The following TMEM132D variants were observed in gnomAD, a reference collection of about 807,000 sequenced individuals.
TMEM132D encodes the protein mature OL transmembrane protein.
Under a neutral mutation model 62.3 loss-of-function variants are expected in TMEM132D, and 21 were observed. The observed-to-expected ratio is 0.34, with a 90% confidence interval of 0.24 to 0.49. TMEM132D has a LOEUF of 0.49. TMEM132D is among the 20% of genes least tolerant of loss of function. The pLI, the probability that TMEM132D is intolerant of heterozygous loss-of-function variation, is 0.99. For synonymous variants in TMEM132D, 621 were observed against 575.6 expected (o/e 1.08, Z -1.13); for missense variants, 1,346 against 1,402.8 (o/e 0.96, Z 0.65).
rs1873513459 is a variant in TMEM132D, at chr12:129,457,510, G to A, written c.1115+73549C>T. ...AATGCTAAATGACGAGTTAATGGGT[G>A]CAGCACACCAACATGGCACATGTAT... On this transcript the variant is annotated intron_variant, in intron 3 of 8. Coordinates refer to ENST00000422113, the MANE Select transcript of TMEM132D (RefSeq NM_133448.3). Among the ~76,000 whole-genome samples, 3 of 151,022 alleles carry A rather than the reference G, an allele frequency of 2.0e-5. No homozygotes were observed. In the South Asian group the frequency reaches 6.4e-4, roughly 32 times the overall value.
intron 3 of TMEM132D, among the ~76,000 whole-genome samples, chr12:129,506,018 C>T (rs768518748): frequency 1.2e-4 from 19 of 152,210 alleles, no homozygotes; most frequent in Non-Finnish European, 1.5e-4. Context: ...AGGCCATTTA[C>T]ATTCAACATT....
intron 1 of TMEM132D, among the ~76,000 whole-genome samples, chr12:129,814,610 T>TG (rs1872289541): frequency 1.6e-3 from 9 of 5,636 alleles, no homozygotes; most frequent in Admixed American, 6.2e-3. Context: ...AAACTCCCTC[T>TG]CAAAAAAAAA....
intron 2 of TMEM132D, among the ~76,000 whole-genome samples, chr12:129,534,093 G>A (rs11060410): frequency 0.44 from 66,512 of 151,940 alleles, 14,852 homozygotes; most frequent in South Asian, 0.49. Context: ...CTGGGTCTGA[G>A]CCAAATACTA....
intron 5 of TMEM132D, among the ~76,000 whole-genome samples, chr12:129,143,188 T>C (rs2135531416): frequency 6.6e-6 from 1 of 152,124 alleles, no homozygotes; most frequent in Non-Finnish European, 1.5e-5. Flanking sequence ...ATTGACTGGC[T>C]TCGACTTGGG....
At chr12:129,777,315 AT>A (rs1427600516) in intron 1 of TMEM132D, among the ~76,000 whole-genome samples, 1 of 152,108 alleles carries the variant, frequency 6.6e-6, no homozygotes, top group Non-Finnish European at 1.5e-5. Context: ...CCAGACACCC[AT>A]TTTTTTCTAT....
chr12:129,296,721 A>G (rs1241649979), intron 4 of TMEM132D, among the ~76,000 whole-genome samples: 1 of 152,202 alleles, frequency 6.6e-6, no homozygotes, highest in African/African-American at 2.4e-5. Context: ...TTCCTGGAAA[A>G]CAGAGCCTGA....
At chr12:129,453,043 C>T (rs1227391678) in intron 3 of TMEM132D, among the ~76,000 whole-genome samples, 3 of 152,158 alleles carry the variant, frequency 2.0e-5, no homozygotes, top group African/African-American at 7.2e-5. Context: ...CCTGTCAGAT[C>T]AGGGGCAGCA....
At chr12:129,789,633 T>C (rs992827472) in intron 1 of TMEM132D, among the ~76,000 whole-genome samples, 4 of 152,266 alleles carry the variant, frequency 2.6e-5, no homozygotes, top group Non-Finnish European at 4.4e-5. Context: ...AGGGCATAGG[T>C]TGAAGAAAGG....
At chr12:129,670,233 T>C (rs1002459284) in intron 2 of TMEM132D, among the ~76,000 whole-genome samples, 3 of 152,168 alleles carry the variant, frequency 2.0e-5, no homozygotes, top group Non-Finnish European at 4.4e-5. Context: ...AATTCATAGT[T>C]TAAACAAAGA....
chr12:129,252,816 A>G (rs995991997), intron 4 of TMEM132D, among the ~76,000 whole-genome samples: 2 of 152,136 alleles, frequency 1.3e-5, no homozygotes, highest in African/African-American at 4.8e-5. Flanking sequence ...GATAGACTGG[A>G]TTAAGAAAAT....
chr12:129,870,098 T>C (rs1220657245), intron 1 of TMEM132D, among the ~76,000 whole-genome samples: 1 of 152,118 alleles, frequency 6.6e-6, no homozygotes, highest in Non-Finnish European at 1.5e-5. Context: ...AAGCAATCCT[T>C]CAGCCTCCCG....
intron 1 of TMEM132D, among the ~76,000 whole-genome samples, chr12:129,792,716 G>A (rs1871435926): frequency 6.6e-6 from 1 of 152,176 alleles, no homozygotes; most frequent in Non-Finnish European, 1.5e-5. Flanking sequence ...CTCTAACTTG[G>A]ATGCGGGGTT....
At chr12:129,473,089 T>C (rs1874142778) in intron 3 of TMEM132D, among the ~76,000 whole-genome samples, 1 of 151,890 alleles carries the variant, frequency 6.6e-6, no homozygotes, top group Non-Finnish European at 1.5e-5. Context: ...GGTCTCGAAC[T>C]CCTGACCTCG....
chr12:129,681,431 G>T (rs1880776994), intron 2 of TMEM132D: 2 of 152,204 alleles, frequency 1.3e-5, no homozygotes, highest in African/African-American at 4.8e-5. Context: ...ATCAAAGACA[G>T]TCTTACCCAA....
At chr12:129,459,510 C>T (rs377679448) in intron 3 of TMEM132D, among the ~76,000 whole-genome samples, 30 of 152,230 alleles carry the variant, frequency 2.0e-4, no homozygotes, top group African/African-American at 7.0e-4. Context: ...AGATGCGTTC[C>T]ATTTCAGATG....
intron 4 of TMEM132D, among the ~76,000 whole-genome samples, chr12:129,327,116 C>T (rs1201664792): frequency 1.3e-5 from 2 of 152,092 alleles, no homozygotes; most frequent in African/African-American, 2.4e-5. Context: ...GAGCGCACGG[C>T]CATCGACAAA....
At chr12:129,668,604 A>G (rs1256018017) in intron 2 of TMEM132D, among the ~76,000 whole-genome samples, 1 of 152,164 alleles carries the variant, frequency 6.6e-6, no homozygotes, top group Non-Finnish European at 1.5e-5. Context: ...TTATTTCTTT[A>G]GAGCTATTTG....
At chr12:129,542,054 C>G (rs1295517278) in intron 2 of TMEM132D, among the ~76,000 whole-genome samples, 1 of 152,204 alleles carries the variant, frequency 6.6e-6, no homozygotes, top group Non-Finnish European at 1.5e-5. Context: ...TTCTAATCAG[C>G]CTCATAAGTT....
chr12:129,896,273 C>T (rs1253184096), intron 1 of TMEM132D, among the ~76,000 whole-genome samples: 1 of 152,092 alleles, frequency 6.6e-6, no homozygotes, highest in Non-Finnish European at 1.5e-5. Flanking sequence ...CAGACATGAG[C>T]CATCATGCTT....
Sources: allele counts gnomAD v4.1 joint callset (sites outside exome capture counted in the v4.1 genomes callset), GRCh38; gene constraint gnomAD v4.1.1; transcripts MANE v1.5; gene names NCBI Gene and HGNC (gene_info 2026-07-23, HGNC 2026-07-21).